Variants in ROBO1 observed in about 807,000 individuals in gnomAD.
ROBO1 encodes roundabout homolog 1.
Under a neutral mutation model 195.9 loss-of-function variants are expected in ROBO1, and 149 were observed. That is an observed-to-expected ratio of 0.76 (90% CI 0.67 to 0.87). The LOEUF (loss-of-function observed/expected upper bound fraction) is 0.87, where lower values mean the gene tolerates loss of function less well. ROBO1 is among the 40% of genes least tolerant of loss of function. ROBO1 has a pLI of 0.00. For missense variants in ROBO1, 1,933 were observed against 2,068.3 expected, an observed-to-expected ratio of 0.93 and a Z score of 1.27; for synonymous variants, 816 against 733.2, an observed-to-expected ratio of 1.11 and a Z score of -1.82.
At chr3:79,147,541 T>A (rs960296320) in intron 2 of ROBO1, among the ~76,000 whole-genome samples, 2 of 151,948 alleles carry the variant, frequency 1.3e-5, no homozygotes, top group African/African-American at 4.8e-5. Flanking sequence ...AATAATCCCA[T>A]CCTTCAAATG....
chr3:78,949,014 T>G (rs950240623), intron 3 of ROBO1, among the ~76,000 whole-genome samples: 7 of 147,538 alleles, frequency 4.7e-5, no homozygotes, highest in East Asian at 2.0e-4. Context: ...TAAAAGAGGA[T>G]ACAAACAAAT....
At chr3:78,840,123 A>C (rs1446810889) in intron 4 of ROBO1, among the ~76,000 whole-genome samples, 1 of 152,196 alleles carries the variant, frequency 6.6e-6, no homozygotes, top group Non-Finnish European at 1.5e-5. Flanking sequence ...TGATCAAAGC[A>C]CATCATTGTA....
chr3:79,571,619 A>G (rs1364652406), intron 2 of ROBO1, among the ~76,000 whole-genome samples: 3 of 151,902 alleles, frequency 2.0e-5, no homozygotes, highest in African/African-American at 7.3e-5. Flanking sequence ...GTGAAAATCA[A>G]AAAGAATGGC....
chr3:78,952,847 C>A (rs2040860004), intron 3 of ROBO1, among the ~76,000 whole-genome samples: 3 of 152,008 alleles, frequency 2.0e-5, no homozygotes, highest in Admixed American at 1.3e-4. Context: ...TTATAAACTT[C>A]TACCTAAGCA....
chr3:79,052,205 G>T (rs1255178656), intron 3 of ROBO1, among the ~76,000 whole-genome samples: 1 of 152,046 alleles, frequency 6.6e-6, no homozygotes, highest in African/African-American at 2.4e-5. Flanking sequence ...CCAAGGGGAG[G>T]TCTCTAAAAT....
chr3:78,842,233 TTA>T (rs1239967885), intron 4 of ROBO1, among the ~76,000 whole-genome samples: 2 of 129,330 alleles, frequency 1.5e-5, no homozygotes, highest in Admixed American at 8.2e-5. Context: ...ATATATATAT[TTA>T]TATATATGAG....
At chr3:79,562,253 C>G (rs1414425065) in intron 2 of ROBO1, among the ~76,000 whole-genome samples, 5 of 124,318 alleles carry the variant, frequency 4.0e-5, no homozygotes, top group Admixed American at 3.8e-4. Flanking sequence ...ATCATGCCTA[C>G]TTTAATATTA....
intron 3 of ROBO1, among the ~76,000 whole-genome samples, chr3:79,010,821 T>G (rs1476727114): frequency 6.6e-6 from 1 of 152,180 alleles, no homozygotes; most frequent in Non-Finnish European, 1.5e-5. Flanking sequence ...AATGATCTTG[T>G]CAGTGAATGC....
At chr3:78,968,323 G>A (rs2076691103) in intron 3 of ROBO1, among the ~76,000 whole-genome samples, 1 of 146,982 alleles carries the variant, frequency 6.8e-6, no homozygotes, top group African/African-American at 2.5e-5. Context: ...CTCCCAGGCT[G>A]GAATGCAGTG....
intron 2 of ROBO1, among the ~76,000 whole-genome samples, chr3:79,484,753 A>ATTTTTTTTTTTTT (rs1402757273): frequency 8.5e-4 from 15 of 17,680 alleles, no homozygotes; most frequent in East Asian, 3.4e-3. Flanking sequence ...TCATTGCACT[A>ATTTTTTTTTTTTT]TCTTTTTTTT....
At chr3:79,515,167 G>T (rs75941038) in intron 2 of ROBO1, among the ~76,000 whole-genome samples, 1,900 of 152,192 alleles carry the variant, frequency 0.012, 29 homozygotes, top group Middle Eastern at 0.041. Context: ...CAACACAAGC[G>T]GCTGAAAAAT....
chr3:79,240,786 C>A (rs2108879055), intron 2 of ROBO1, among the ~76,000 whole-genome samples: 1 of 152,084 alleles, frequency 6.6e-6, no homozygotes, highest in South Asian at 2.1e-4. Flanking sequence ...GGACTACAGG[C>A]ATGTGCCATC....
intron 1 of ROBO1, among the ~76,000 whole-genome samples, chr3:79,603,234 A>G (rs557536407): frequency 3.3e-5 from 5 of 151,162 alleles, no homozygotes; most frequent in Admixed American, 2.0e-4. Context: ...GATGAGGTCT[A>G]CTATCAAAAC....
chr3:79,548,489 G>A (rs13320797), intron 2 of ROBO1, among the ~76,000 whole-genome samples: 7,235 of 152,196 alleles, frequency 0.048, 576 homozygotes, highest in African/African-American at 0.17. Context: ...TGGATTGTAA[G>A]GATTAGAAGA....
intron 1 of ROBO1, among the ~76,000 whole-genome samples, chr3:79,747,467 T>A (rs1304507976): frequency 2.0e-5 from 3 of 151,988 alleles, no homozygotes; most frequent in African/African-American, 7.2e-5. Flanking sequence ...TAAGAAAAAG[T>A]AAAATTTTAA....
intron 3 of ROBO1, among the ~76,000 whole-genome samples, chr3:79,124,200 AC>A (rs1265229875): frequency 6.6e-6 from 1 of 151,978 alleles, no homozygotes; most frequent in Non-Finnish European, 1.5e-5. Flanking sequence ...AAACTCCCTC[AC>A]CATCCCACCC....
At position 79,407,856 on chromosome 3, in the gene ROBO1, A is replaced by G. The variant is rs144294215; in HGVS notation, c.88+181968T>C. ...AAAATAAAATAACATAATTCGATGT[A>G]TAGTGAAGTTACTGTACTTCTGTAA... On this transcript the variant is annotated intron_variant, in intron 2 of 30. Coordinates refer to ENST00000464233, the MANE Select transcript of ROBO1 (RefSeq NM_002941.4). Among the ~76,000 whole-genome samples, 377 of 152,290 alleles carry G rather than the reference A, an allele frequency of 2.5e-3. 2 individuals carry two copies. Among genetic ancestry groups the G allele is most frequent in the African/African-American group, 7.9e-3 (328 of 41,568 alleles).
intron 3 of ROBO1, among the ~76,000 whole-genome samples, chr3:79,084,111 A>G (rs1031681410): frequency 2.6e-5 from 4 of 152,228 alleles, no homozygotes; most frequent in African/African-American, 9.6e-5. Flanking sequence ...TAGTTTAGAC[A>G]GTTGCTAGAT....
intron 3 of ROBO1, among the ~76,000 whole-genome samples, chr3:79,101,655 G>C (rs1249246891): frequency 1.3e-5 from 2 of 151,872 alleles, no homozygotes; most frequent in Non-Finnish European, 2.9e-5. Context: ...CCTGAAAGGA[G>C]AGAAATAGCT....
Sources: gnomAD v4.1 joint callset for allele counts (sites outside exome capture counted in the v4.1 genomes callset) on GRCh38, gnomAD v4.1.1 for gene constraint, MANE v1.5 for transcripts, NCBI Gene and HGNC (gene_info 2026-07-23, HGNC 2026-07-21) for gene names.